LZTR1: variants seen among roughly 807,000 people sequenced by gnomAD.
The protein encoded by LZTR1 is leucine-zipper-like transcriptional regulator 1.
A neutral mutation model predicts 105.7 loss-of-function variants in LZTR1; 260 were observed. The observed-to-expected ratio is 2.46, with a 90% CI of 2.22 to 2.72. The LOEUF (loss-of-function observed/expected upper bound fraction) is 2.72, where lower values mean the gene tolerates loss of function less well. Ranked by LOEUF, LZTR1 falls within the 30% of genes most tolerant of loss-of-function variation. The pLI, the probability that LZTR1 is intolerant of heterozygous loss-of-function variation, is 0.00. For synonymous variants in LZTR1, 490 were observed against 476.4 expected (o/e 1.03, Z -0.37); for missense variants, 1,214 against 1,166.9 (o/e 1.04, Z -0.59).
Position 20,989,691 on chromosome 22 carries a change from C to T in LZTR1, c.651+9C>T, listed in dbSNP as rs754627103. 45 of 1,485,744 alleles carry T rather than the reference C, an allele frequency of 3.0e-5. No individual in the cohort carries two copies. The highest frequency in any genetic ancestry group is 1.5e-4 in the South Asian group (13 of 87,688). 92.0% of individuals were successfully genotyped at this position (1,485,744 alleles called of 1,614,324 possible). ...TCACCTGCTGGGAGGAGGTGAGGGGCGTGGGGAGCCAGGGCGCAGGTAGAG... is the reference window on the plus strand; with the variant it reads ...TCACCTGCTGGGAGGAGGTGAGGGGTGTGGGGAGCCAGGGCGCAGGTAGAG... On this transcript the variant is annotated intron_variant, in intron 7 of 20. Transcript: ENST00000646124.
rs1924869044 is a variant in LZTR1 at position 20,996,777 on chromosome 22, CG to C, written c.2302del (p.Val768Ter). 3 of 1,613,590 alleles carry C rather than the reference CG, an allele frequency of 1.9e-6. No individual in the cohort carries two copies. The highest frequency in any genetic ancestry group is 2.5e-6 in the Non-Finnish European group (3 of 1,180,002). The part of the protein sequence containing the change: ...AYCKQNLEMN[V>X]TVQNVLQILE... ...ACTGCAAGCAGAACCTGGAGATGAA[CG>C]TGACGGTGCAGAACGTGCTGCAGGT... is the stretch of plus-strand genomic sequence containing the variant. On this transcript the variant is annotated frameshift_variant, in exon 19 of 21. Coordinates refer to ENST00000646124, the MANE Select transcript of LZTR1 (RefSeq NM_006767.4). LOFTEE classifies it high-confidence loss of function.
At chr22:20,996,595 G>A in intron 18 of LZTR1, 101 bp from the exon 19 acceptor site, 1 of 874,404 alleles carries the variant, frequency 1.1e-6, no homozygotes, top group South Asian at 1.5e-5. Flanking sequence ...AGAGCATGCT[G>A]GCGTGGGGGC....
chr22:20,995,074 C>G, intron 16 of LZTR1, 48 bp downstream of exon 16: 1 of 1,565,850 alleles, frequency 6.4e-7, no homozygotes, highest in Non-Finnish European at 8.6e-7. Flanking sequence ...GGATGGTGTT[C>G]ATCTGCGGTA....
At chr22:20,993,843 G>A (rs1924697581) in intron 12 of LZTR1, 81 bp from the exon 13 acceptor site, 2 of 1,567,738 alleles carry the variant, frequency 1.3e-6, no homozygotes, top group Non-Finnish European at 1.7e-6. Flanking sequence ...TGGCCTGGTG[G>A]TGCTGACCTT....
At chr22:20,983,155 C>A in intron 2 of LZTR1, 66 bp downstream of exon 2, 1 of 1,376,426 alleles carries the variant, frequency 7.3e-7, no homozygotes, top group Non-Finnish European at 1.0e-6. Flanking sequence ...GGGACTGGGC[C>A]TGTCCAGCTC....
chr22:20,996,646 G>A (rs1489799355), intron 18 of LZTR1, 50 bp from the exon 19 acceptor site: 1 of 1,505,774 alleles, frequency 6.6e-7, no homozygotes, highest in Non-Finnish European at 9.2e-7. Flanking sequence ...TTCCCTGGGA[G>A]GGTGCGGGCG....
At chr22:20,983,895 C>G (rs768654997) in intron 2 of LZTR1, among the ~76,000 whole-genome samples, 2 of 152,250 alleles carry the variant, frequency 1.3e-5, no homozygotes, top group Non-Finnish European at 2.9e-5. Context: ...GAGTATGCTC[C>G]TCCTTGGCTC....
chr22:20,998,203 C>G lies in LZTR1; in HGVS notation c.*855C>G, dbSNP rs1171778203. On this transcript the variant is annotated 3_prime_UTR_variant, in exon 21 of 21. Transcript: ENST00000646124. The stretch of plus-strand genomic sequence containing the variant: ...GCTTAGCAGACCCCCAGATGTAGGT[C>G]AGTGGCCTTACCTGTCTCTATCCAT... The G allele has an allele frequency of 6.6e-6, 1 of 152,384 alleles. No individual in the cohort carries two copies. Among genetic ancestry groups the G allele is most frequent in the Admixed American group, 6.5e-5 (1 of 15,292 alleles). 9.4% of individuals were successfully genotyped at this position (152,384 alleles called of 1,614,324 possible).
chr22:20,992,196 T>G lies in LZTR1; in HGVS notation c.994-18T>G, dbSNP rs112544. 1 of 1,608,838 alleles carries G rather than the reference T, an allele frequency of 6.2e-7. No individual in the cohort carries two copies. Among genetic ancestry groups the G allele is most frequent in the Non-Finnish European group, 8.5e-7 (1 of 1,176,960 alleles). On this transcript the variant is annotated intron_variant, in intron 9 of 20. Transcript: ENST00000646124. ...CCCTTGCCAACTGGTCTCATGCCCA[T>G]GTGTCTCCCCTCTTCAGGTTGGTGG...
intron 2 of LZTR1, among the ~76,000 whole-genome samples, chr22:20,985,043 G>A (rs1924329702): frequency 1.3e-5 from 2 of 149,890 alleles, no homozygotes; most frequent in South Asian, 4.3e-4. Flanking sequence ...GGGCAGGAAA[G>A]CAAGACTTCG....
intron 9 of LZTR1, 57 bp downstream of exon 9, chr22:20,991,886 T>C: frequency 2.1e-6 from 3 of 1,458,290 alleles, no homozygotes; most frequent in Non-Finnish European, 2.8e-6. Flanking sequence ...GCTCCTACCC[T>C]GCTCCCACCC....
Position 20,991,685 on chromosome 22 carries a change from G to T in LZTR1, c.849G>T (p.Arg283=). Residue 283 remains arginine, a synonymous_variant, in exon 9 of 21, where the codon CGG becomes CGT. Coordinates refer to ENST00000646124, the MANE Select transcript of LZTR1 (RefSeq NM_006767.4). ...GGGGCTCCCCACCACCCCCGCAGCG[G>T]CGCTACGGGCATACCATGGTGGCCT... is the stretch of plus-strand genomic sequence containing the variant. ...LLRGSPPPPQ[R]RYGHTMVAFD... is the part of the protein sequence containing the mutation. 1 of 1,603,694 alleles carries T rather than the reference G, an allele frequency of 6.2e-7. No homozygotes were observed.
In LZTR1 at chr22:20,992,635, C is replaced by T. The variant is rs1924646488; in HGVS notation, c.1150-159C>T. The T allele has an allele frequency of 4.7e-6, 3 of 632,552 alleles. No individual in the cohort carries two copies. The Admixed American group carries it at 8.5e-5, about 18-fold the overall frequency. The allele number at this position is 632,552 out of a possible 1,614,324, so 39.2% of individuals were successfully genotyped here. A position where few individuals can be genotyped will look rare whatever the true frequency, so the allele number is the denominator to read the frequency against. ...CACTCGCCTACATGGGTACCAGGTC[C>T]CACCTGTGTCTGTACCCAGGGGCCC... On this transcript the variant is annotated intron_variant, in intron 10 of 20. Transcript: ENST00000646124.
At chr22:20,991,016 G>C (rs758525673) in intron 8 of LZTR1, 1 of 163,770 alleles carries the variant, frequency 6.1e-6, no homozygotes, top group Non-Finnish European at 1.3e-5. Flanking sequence ...TGGAGGCCAC[G>C]GGTGCGTGGG....
At chr22:20,986,059 C>T in intron 3 of LZTR1, 162 bp downstream of exon 3, 1 of 710,720 alleles carries the variant, frequency 1.4e-6, no homozygotes, top group East Asian at 2.7e-5. Flanking sequence ...CCAGAGCCGC[C>T]CTGTCAGGCT....
In LZTR1 at chr22:20,994,141, C is replaced by A. The variant is rs755657932; in HGVS notation, c.1487C>A (p.Ala496Asp). ...GAGGCCGCCCCAGTTCCCAGGGAGGCCCCCGGCGTGGCTGCTGGTGGGGCC... is the reference window on the plus strand; with the variant it reads ...GAGGCCGCCCCAGTTCCCAGGGAGGACCCCGGCGTGGCTGCTGGTGGGGCC... ...EQEAAPVPRE[A>D]PGVAAGGARP... Residue 496 changes from alanine to aspartate, a missense_variant, in exon 14 of 21, where the codon GCC (alanine) becomes GAC (aspartate). By Grantham distance (126) the Ala-to-Asp change is moderately radical. Coordinates refer to ENST00000646124, the MANE Select transcript of LZTR1 (RefSeq NM_006767.4). 38 of 1,589,758 alleles carry A rather than the reference C, an allele frequency of 2.4e-5. No homozygotes were observed. Among genetic ancestry groups the A allele is most frequent in the Non-Finnish European group, 3.2e-5 (37 of 1,167,484 alleles).
rs1248248456 is a variant in LZTR1 at position 20,997,633 on chromosome 22, T to C, written c.*285T>C. ...GCGAGGCCACGGCTCAGTGATGGGCTCACCACCCAGAAGTGGGGAGAGACT... is the reference window on the plus strand; with the variant it reads ...GCGAGGCCACGGCTCAGTGATGGGCCCACCACCCAGAAGTGGGGAGAGACT... On this transcript the variant is annotated 3_prime_UTR_variant, in exon 21 of 21. Coordinates refer to ENST00000646124, the MANE Select transcript of LZTR1 (RefSeq NM_006767.4). The C allele has an allele frequency of 6.2e-6, 2 of 320,434 alleles. No homozygotes were observed. Among genetic ancestry groups the C allele is most frequent in the Non-Finnish European group, 1.2e-5 (2 of 167,600 alleles). 19.8% of individuals were successfully genotyped at this position (320,434 alleles called of 1,614,324 possible).
chr22:20,994,179 C>T lies in LZTR1; in HGVS notation c.1525C>T (p.Leu509=). Residue 509 remains leucine, a synonymous_variant, in exon 14 of 21, where the codon CTG becomes TTG. Coordinates refer to ENST00000646124, the MANE Select transcript of LZTR1 (RefSeq NM_006767.4). ...VAAGGARPPL[L]HVAIREAEAR... ...TGCTGGTGGGGCCCGGCCGCCCCTG[C>T]TGCACGTGGCCATCCGGGAGGCCGA... 2 of 1,602,110 alleles carry T rather than the reference C, an allele frequency of 1.2e-6. No homozygotes were observed. The highest frequency in any genetic ancestry group is 1.7e-6 in the Non-Finnish European group (2 of 1,176,800).
rs375788038 is a variant in LZTR1, at chr22:20,982,426, G to A, written c.55G>A (p.Gly19Ser). 8.2e-6 allele frequency: 13 copies of A among 1,576,618 alleles called. No homozygotes were observed. The highest frequency in any genetic ancestry group is 1.3e-5 in the African/African-American group (1 of 74,314). Residue 19 changes from glycine (G) to serine (S), a missense_variant, in exon 1 of 21, where the codon GGC (glycine) becomes AGC (serine). Physicochemically the swap from Gly to Ser is moderately conservative, Grantham distance 56 (BLOSUM62 0). Transcript: ENST00000646124. ...GATCGGGGCTGCGGCCCTGGCAGGC[G>A]GCGCGCGGTCCAAGGTAGCCCCGAG... ...GQIGAAALAG[G>S]ARSKVAPSVD...
Sources: allele counts gnomAD v4.1 joint callset (sites outside exome capture counted in the v4.1 genomes callset), GRCh38; gene constraint gnomAD v4.1.1; transcripts MANE v1.5; gene names NCBI Gene and HGNC (gene_info 2026-07-23, HGNC 2026-07-21).